The following NELL2 variants were observed in gnomAD, a reference collection of about 807,000 sequenced individuals.
NELL2 encodes the protein protein kinase C-binding protein NELL2.
In NELL2, 41 loss-of-function variants were observed where a neutral mutation model predicts 109.6. The observed-to-expected ratio is 0.37, with a 90% CI of 0.29 to 0.49. NELL2 has a LOEUF of 0.49. Ranked by LOEUF, NELL2 falls within the 20% of genes least tolerant of loss-of-function variation. The pLI is 0.98. For synonymous variants in NELL2, 355 were observed against 344.7 expected, an observed-to-expected ratio of 1.03 and a Z score of -0.33; for missense variants, 900 against 1,008.3, an observed-to-expected ratio of 0.89 and a Z score of 1.45.
intron 2 of NELL2, among the ~76,000 whole-genome samples, chr12:44,854,719 G>A (rs953337660): frequency 2.0e-5 from 3 of 151,124 alleles, no homozygotes; most frequent in South Asian, 2.1e-4. Context: ...TGGGTGGGTG[G>A]ATGGATGGAT....
intron 13 of NELL2, among the ~76,000 whole-genome samples, chr12:44,646,912 C>T (rs1054921809): frequency 3.9e-5 from 6 of 152,148 alleles, no homozygotes; most frequent in Non-Finnish European, 5.9e-5. Context: ...TCTCTAGCTT[C>T]GGTTTCCTCA....
chr12:44,666,909 T>C (rs1947943026), intron 12 of NELL2, among the ~76,000 whole-genome samples: 1 of 152,220 alleles, frequency 6.6e-6, no homozygotes, highest in Non-Finnish European at 1.5e-5. Context: ...TCATCCTTTA[T>C]ACATACTGTT....
chr12:44,775,217 A>G (rs553196401), intron 8 of NELL2, among the ~76,000 whole-genome samples: 75 of 146,430 alleles, frequency 5.1e-4, no homozygotes, highest in African/African-American at 1.8e-3. Flanking sequence ...GCACACGAAC[A>G]TGCACGCACG....
At chr12:44,530,399 T>C (rs907285399) in intron 16 of NELL2, among the ~76,000 whole-genome samples, 3 of 152,108 alleles carry the variant, frequency 2.0e-5, no homozygotes, top group South Asian at 2.1e-4. Flanking sequence ...AATTGGAAAG[T>C]TGGAAGGGAA....
chr12:44,761,864 A>G (rs1331629218), intron 9 of NELL2, among the ~76,000 whole-genome samples: 1 of 152,138 alleles, frequency 6.6e-6, no homozygotes, highest in African/African-American at 2.4e-5. Flanking sequence ...AATAACAGAT[A>G]GTGGGGAGTT....
intron 3 of NELL2, among the ~76,000 whole-genome samples, chr12:44,784,037 A>G (rs569519010): frequency 3.9e-5 from 6 of 152,240 alleles, no homozygotes; most frequent in African/African-American, 1.2e-4. Context: ...TCAATCCATT[A>G]TACTGACTAA....
intron 13 of NELL2, among the ~76,000 whole-genome samples, chr12:44,614,460 T>C (rs1945745853): frequency 6.6e-6 from 1 of 152,054 alleles, no homozygotes; most frequent in Non-Finnish European, 1.5e-5. Flanking sequence ...CTGTGTGTCA[T>C]AATTTCTTTG....
intron 10 of NELL2, among the ~76,000 whole-genome samples, chr12:44,714,269 C>T (rs73278105): frequency 0.087 from 13,180 of 151,764 alleles, 1,864 homozygotes; most frequent in African/African-American, 0.3. Flanking sequence ...GGTAATTTTT[C>T]GTTTTGTTTT....
At chr12:44,597,440 G>A (rs895526839) in intron 15 of NELL2, among the ~76,000 whole-genome samples, 1 of 152,086 alleles carries the variant, frequency 6.6e-6, no homozygotes, top group African/African-American at 2.4e-5. Context: ...AAGTAACGTA[G>A]AATTTAAGGA....
chr12:44,614,913 TAGG>T (rs1229205915), intron 13 of NELL2, among the ~76,000 whole-genome samples: 1 of 152,008 alleles, frequency 6.6e-6, no homozygotes, highest in Admixed American at 6.6e-5. Context: ...CTTCAGAAAA[TAGG>T]AGTGAAAAGT....
At chr12:44,535,656 C>G (rs1366484398) in intron 15 of NELL2, among the ~76,000 whole-genome samples, 2 of 151,798 alleles carry the variant, frequency 1.3e-5, no homozygotes, top group African/African-American at 4.8e-5. Flanking sequence ...ATTTTAATGG[C>G]TACATATTTA....
intron 3 of NELL2, among the ~76,000 whole-genome samples, chr12:44,805,313 C>A (rs1942963143): frequency 1.3e-5 from 2 of 151,762 alleles, no homozygotes; most frequent in Admixed American, 6.6e-5. Flanking sequence ...ACAGGAAGAA[C>A]AAAGAGACTT....
intron 2 of NELL2, among the ~76,000 whole-genome samples, chr12:44,865,848 A>G (rs900688330): frequency 3.9e-5 from 6 of 151,918 alleles, no homozygotes; most frequent in African/African-American, 1.4e-4. Context: ...GTTTTAACAA[A>G]TTTAAAAATA....
intron 3 of NELL2, among the ~76,000 whole-genome samples, chr12:44,814,261 G>T (rs1364592979): frequency 6.6e-6 from 1 of 152,194 alleles, no homozygotes; most frequent in East Asian, 1.9e-4. Context: ...GGCTGGGTGA[G>T]TTCTATGTCT....
At position 44,799,715 on chromosome 12, in the gene NELL2, G is replaced by A. The variant is rs375479748; in HGVS notation, c.335+16271C>T. On this transcript the variant is annotated intron_variant, in intron 3 of 19. Coordinates refer to ENST00000429094, the MANE Select transcript of NELL2 (RefSeq NM_001145108.2). ...ATTCTGAAGGGTTTTCAGGTGTGTA[G>A]GGGGGGTGATGTATTTAATATAGCT... 3.3e-4 allele frequency among the ~76,000 whole-genome samples: 50 copies of A among 150,928 alleles called. 2 individuals are homozygous for A. The South Asian group carries it at 1.0e-2, about 30-fold the overall frequency.
At chr12:44,786,715 T>G (rs1259804693) in intron 3 of NELL2, among the ~76,000 whole-genome samples, 1 of 152,176 alleles carries the variant, frequency 6.6e-6, no homozygotes, top group Admixed American at 6.5e-5. Flanking sequence ...GATGAGTTCT[T>G]GTCCTTTGCA....
chr12:44,865,826 T>TAAAAAAA (rs71435994), intron 2 of NELL2, among the ~76,000 whole-genome samples: 1 of 142,486 alleles, frequency 7.0e-6, no homozygotes, highest in Non-Finnish European at 1.5e-5. Context: ...AAAAAAAAAT[T>TAAAAAAA]AAAAAAAAAA....
rs1939377302 is a variant in NELL2, at chr12:44,731,658, C to CT, written c.995-16918dup. Among the ~76,000 whole-genome samples, 3 of 152,130 alleles carry CT rather than the reference C, an allele frequency of 2.0e-5. No individual in the cohort carries two copies. In the South Asian group the frequency reaches 6.2e-4, roughly 31 times the overall value. On this transcript the variant is annotated intron_variant, in intron 9 of 19. Coordinates refer to ENST00000429094, the MANE Select transcript of NELL2 (RefSeq NM_001145108.2). ...TAACATTATACTCAACAGTGATAAA[C>CT]TAAGTTTCTCTTTTACAATTAACTA...
intron 15 of NELL2, among the ~76,000 whole-genome samples, chr12:44,597,323 G>A (rs1258685201): frequency 6.6e-6 from 1 of 152,080 alleles, no homozygotes; most frequent in Non-Finnish European, 1.5e-5. Flanking sequence ...TCTTATATCT[G>A]CCAGGACTTT....
Sources: gnomAD v4.1 joint callset for allele counts (sites outside exome capture counted in the v4.1 genomes callset) on GRCh38, gnomAD v4.1.1 for gene constraint, MANE v1.5 for transcripts, NCBI Gene and HGNC (gene_info 2026-07-23, HGNC 2026-07-21) for gene names.